CCND2: variants seen among roughly 807,000 people sequenced by gnomAD.
CCND2 encodes the protein cyclin D2.
In CCND2, 6 loss-of-function variants were observed where a neutral mutation model predicts 30.2. That is an observed-to-expected ratio of 0.20 (90% confidence interval 0.11 to 0.39). The LOEUF (loss-of-function observed/expected upper bound fraction) is 0.39. Among genes scored for constraint, CCND2 ranks in the 10% least tolerant of loss-of-function variants. The probability of loss-of-function intolerance (pLI) is 1.00; values close to 1 mark genes in which losing one functional copy is unlikely to be tolerated. For synonymous variants in CCND2, 150 were observed against 153.1 expected, an observed-to-expected ratio of 0.98 and a Z score of 0.15; for missense variants, 235 against 373.4, an observed-to-expected ratio of 0.63 and a Z score of 3.06.
intron 2 of CCND2, among the ~76,000 whole-genome samples, chr12:4,277,164 T>G (rs548506259): frequency 1.3e-5 from 2 of 152,156 alleles, no homozygotes; most frequent in African/African-American, 4.8e-5. Context: ...TTGCCGAGAA[T>G]GTGGAGAGGG....
Position 4,301,632 on chromosome 12 carries a change from G to A in CCND2, c.*1623G>A, listed in dbSNP as rs546669155. ...GTTTCATAGTATGAGGGTTGAAGACGGAAAACAATCTAAGGGTCTCTCATT... is the reference window on the plus strand; with the variant it reads ...GTTTCATAGTATGAGGGTTGAAGACAGAAAACAATCTAAGGGTCTCTCATT... On this transcript the variant is annotated 3_prime_UTR_variant, in exon 5 of 5. Transcript: ENST00000261254. The A allele has an allele frequency of 2.6e-5, 6 of 231,036 alleles. No homozygotes were observed. Among genetic ancestry groups the A allele is most frequent in the African/African-American group, 6.7e-5 (3 of 45,042 alleles). The allele number at this position is 231,036 out of a possible 1,614,324, so 14.3% of individuals were successfully genotyped here.
chr12:4,279,557 G>A (rs1863919785), intron 3 of CCND2, among the ~76,000 whole-genome samples: 1 of 152,178 alleles, frequency 6.6e-6, no homozygotes, highest in Admixed American at 6.5e-5. Context: ...GAGGTGTTTT[G>A]ATTTTGGCCG....
Position 4,300,927 on chromosome 12 carries a change from G to T in CCND2, c.*918G>T. ...AAAAACTAATTTTTGGTGCTGATTG[G>T]CATGTCTGGTTCACAGTTTAGCATT... On this transcript the variant is annotated 3_prime_UTR_variant, in exon 5 of 5. Transcript: ENST00000261254. The T allele has an allele frequency of 4.3e-6, 1 of 233,684 alleles. No individual in the cohort carries two copies. 14.5% of individuals were successfully genotyped at this position (233,684 alleles called of 1,614,324 possible).
At chr12:4,296,823 AC>A (rs1174375037) in intron 4 of CCND2, among the ~76,000 whole-genome samples, 3 of 152,230 alleles carry the variant, frequency 2.0e-5, no homozygotes. Context: ...AAGAAAAAAA[AC>A]AAAACAAAAA....
Position 4,303,327 on chromosome 12 carries a change from CCT to C in CCND2, c.*3322_*3323del, listed in dbSNP as rs1232616954. ...CACAAGAAGGAATCCTGGATTTTGC[CCT>C]CTCCTTAGCTCTTAGTCTCTTTGGT... On this transcript the variant is annotated 3_prime_UTR_variant, in exon 5 of 5. Transcript: ENST00000261254. The surrounding 1 kb of genome is among the most constrained non-coding windows in gnomAD (Gnocchi z 4.6). 1.3e-5 allele frequency: 3 copies of C among 233,198 alleles called. No individual in the cohort carries two copies. Among genetic ancestry groups the C allele is most frequent in the Non-Finnish European group, 2.5e-5 (3 of 118,120 alleles). 14.4% of individuals were successfully genotyped at this position (233,198 alleles called of 1,614,324 possible). A position where few individuals can be genotyped will look rare whatever the true frequency, so the allele number is the denominator to read the frequency against.
rs933004882 is a variant in CCND2, at chr12:4,299,315, G to A, written c.721-545G>A. On this transcript the variant is annotated intron_variant, in intron 4 of 4. Coordinates refer to ENST00000261254, the MANE Select transcript of CCND2 (RefSeq NM_001759.4). The surrounding 1 kb of genome is among the most constrained non-coding windows in gnomAD (Gnocchi z 5.2). ...GTGGAGGTTGCAGTGAGCCGAGATT[G>A]TGCCAGTGCACTCCAGCCTGGGGGA... 6.6e-6 allele frequency among the ~76,000 whole-genome samples: 1 copy of A among 152,180 alleles called. No homozygotes were observed. Among genetic ancestry groups the A allele is most frequent in the Non-Finnish European group, 1.5e-5 (1 of 68,026 alleles).
chr12:4,302,229 C>G lies in CCND2; in HGVS notation c.*2220C>G. 1 of 233,002 alleles carries G rather than the reference C, an allele frequency of 4.3e-6. No individual in the cohort carries two copies. Among genetic ancestry groups the G allele is most frequent in the Non-Finnish European group, 8.5e-6 (1 of 117,712 alleles). 14.4% of individuals were successfully genotyped at this position (233,002 alleles called of 1,614,324 possible). ...CCCAGTTAGACCCTGGTATCCTCAT[C>G]ATGATGGAAAAAATACATTGAACCA... On this transcript the variant is annotated 3_prime_UTR_variant, in exon 5 of 5. Coordinates refer to ENST00000261254, the MANE Select transcript of CCND2 (RefSeq NM_001759.4).
rs1170537449 is a variant in CCND2, at chr12:4,301,495, T to G, written c.*1486T>G. 7 of 230,032 alleles carry G rather than the reference T, an allele frequency of 3.0e-5. No homozygotes were observed. The highest frequency in any genetic ancestry group is 6.0e-5 in the Non-Finnish European group (7 of 116,552). 14.2% of individuals were successfully genotyped at this position (230,032 alleles called of 1,614,324 possible). Reference sequence around the variant, plus strand: ...AACTTTTTTTTTTTTTTTTGCACAATTGTAATTGACAGGTAATGAAGCTAT... The same window carrying G: ...AACTTTTTTTTTTTTTTTTGCACAAGTGTAATTGACAGGTAATGAAGCTAT... On this transcript the variant is annotated 3_prime_UTR_variant, in exon 5 of 5. Coordinates refer to ENST00000261254, the MANE Select transcript of CCND2 (RefSeq NM_001759.4).
At chr12:4,279,394 CT>C (rs79476081) in intron 3 of CCND2, among the ~76,000 whole-genome samples, 13,608 of 140,174 alleles carry the variant, frequency 0.097, 827 homozygotes, top group East Asian at 0.4. Flanking sequence ...CAAAGAAATT[CT>C]TTTTTTTTTT....
rs1239660615 is a variant in CCND2, at chr12:4,303,217, C to T, written c.*3208C>T. The T allele has an allele frequency of 4.3e-6, 1 of 233,230 alleles. No homozygotes were observed. Among genetic ancestry groups the T allele is most frequent in the Non-Finnish European group, 8.5e-6 (1 of 118,136 alleles). The allele number at this position is 233,230 out of a possible 1,614,324, so 14.4% of individuals were successfully genotyped here. On this transcript the variant is annotated 3_prime_UTR_variant, in exon 5 of 5. Transcript: ENST00000261254. The surrounding 1 kb of genome is among the most constrained non-coding windows in gnomAD (Gnocchi z 4.6). ...CCTTCTAGCTTTTCTCTTTCCCATCCTTGGGGCCTTGTGTGATGATGGGTG... is the reference window on the plus strand; with the variant it reads ...CCTTCTAGCTTTTCTCTTTCCCATCTTTGGGGCCTTGTGTGATGATGGGTG...
chr12:4,283,239 G>C (rs1863975114), intron 3 of CCND2, among the ~76,000 whole-genome samples: 1 of 152,204 alleles, frequency 6.6e-6, no homozygotes, highest in African/African-American at 2.4e-5. Context: ...ACCCCCAGAG[G>C]CTCCCAGGGC....
intron 1 of CCND2, 89 bp from the exon 2 acceptor site, chr12:4,275,916 G>T (rs372495036): frequency 2.1e-5 from 17 of 794,008 alleles, no homozygotes; most frequent in South Asian, 1.2e-4. Context: ...TTTTTGTTTC[G>T]ATAGATTACG....
In CCND2 at chr12:4,293,661, A is replaced by G. The variant is rs1864129148; in HGVS notation, c.720+4671A>G. Reference sequence around the variant, plus strand: ...CGGTCCTGGTTATCAATGAGCTATTAAAAAGCAGGGAGGTGGAGGCGCCGT... The same window carrying G: ...CGGTCCTGGTTATCAATGAGCTATTGAAAAGCAGGGAGGTGGAGGCGCCGT... On this transcript the variant is annotated intron_variant, in intron 4 of 4. Transcript: ENST00000261254. This position sits in a 1 kb window ranked among gnomAD's most constrained non-coding sequence, Gnocchi z 4.9. Among the ~76,000 whole-genome samples the G allele has an allele frequency of 6.6e-6, 1 of 152,186 alleles. No individual in the cohort carries two copies. Among genetic ancestry groups the G allele is most frequent in the Admixed American group, 6.5e-5 (1 of 15,290 alleles).
At position 4,299,226 on chromosome 12, in the gene CCND2, G is replaced by A. The variant is rs1277371358; in HGVS notation, c.721-634G>A. Reference sequence around the variant, plus strand: ...AATACAAAAATTAGCCAGGCGCGGTGGCGGGTGCCTGTAGTCCCAGCTACT... The same window carrying A: ...AATACAAAAATTAGCCAGGCGCGGTAGCGGGTGCCTGTAGTCCCAGCTACT... On this transcript the variant is annotated intron_variant, in intron 4 of 4. Coordinates refer to ENST00000261254, the MANE Select transcript of CCND2 (RefSeq NM_001759.4). This position sits in a 1 kb window ranked among gnomAD's most constrained non-coding sequence, Gnocchi z 5.2. Among the ~76,000 whole-genome samples the A allele has an allele frequency of 6.6e-6, 1 of 152,192 alleles. No homozygotes were observed. Among genetic ancestry groups the A allele is most frequent in the Non-Finnish European group, 1.5e-5 (1 of 68,028 alleles).
intron 3 of CCND2, 105 bp from the exon 4 acceptor site, chr12:4,288,737 C>CGCAGCA (rs1864057069): frequency 8.9e-7 from 1 of 1,117,746 alleles, no homozygotes; most frequent in Non-Finnish European, 1.3e-6. Context: ...GGGTCACTCG[C>CGCAGCA]GCCGCTGACC....
chr12:4,274,710 G>T lies in CCND2; in HGVS notation c.195+475G>T, dbSNP rs912942441. ...GACTCCGCGCTGGCACTTCACCGGG[G>T]AGGTGGAGGGAGGAGGGAGAAGGAG... On this transcript the variant is annotated intron_variant, in intron 1 of 4. Coordinates refer to ENST00000261254, the MANE Select transcript of CCND2 (RefSeq NM_001759.4). The surrounding 1 kb of genome is among the most constrained non-coding windows in gnomAD (Gnocchi z 7.7). 1.3e-5 allele frequency among the ~76,000 whole-genome samples: 2 copies of T among 152,230 alleles called. No homozygotes were observed. The highest frequency in any genetic ancestry group is 2.4e-5 in the African/African-American group (1 of 41,456).
In CCND2 at chr12:4,300,772, G is replaced by A. The variant is rs1007822384; in HGVS notation, c.*763G>A. 2 of 233,626 alleles carry A rather than the reference G, an allele frequency of 8.6e-6. No homozygotes were observed. The highest frequency in any genetic ancestry group is 2.2e-5 in the African/African-American group (1 of 45,348). The allele number at this position is 233,626 out of a possible 1,614,324, so 14.5% of individuals were successfully genotyped here. A position where few individuals can be genotyped will look rare whatever the true frequency, so the allele number is the denominator to read the frequency against. ...CCATATTGCTATCTAATGGGGAAATGTAGCTATGGGCCATAACCAAAACTC... is the reference window on the plus strand; with the variant it reads ...CCATATTGCTATCTAATGGGGAAATATAGCTATGGGCCATAACCAAAACTC... On this transcript the variant is annotated 3_prime_UTR_variant, in exon 5 of 5. Transcript: ENST00000261254.
intron 4 of CCND2, among the ~76,000 whole-genome samples, chr12:4,296,878 C>T (rs1041664172): frequency 3.3e-5 from 5 of 152,270 alleles, no homozygotes; most frequent in South Asian, 4.1e-4. Context: ...TTAGGTCCAA[C>T]GTTTCACTCA....
At chr12:4,286,070 C>T (rs780216310) in intron 3 of CCND2, among the ~76,000 whole-genome samples, 14 of 152,162 alleles carry the variant, frequency 9.2e-5, no homozygotes, top group Non-Finnish European at 1.9e-4. Flanking sequence ...AACTCTTGAC[C>T]TAAGCCATGT....
Sources: gnomAD v4.1 joint callset for allele counts (sites outside exome capture counted in the v4.1 genomes callset) on GRCh38, gnomAD v4.1.1 for gene constraint, Gnocchi (gnomAD v3.1) non-coding constraint, MANE v1.5 for transcripts, NCBI Gene and HGNC (gene_info 2026-07-23, HGNC 2026-07-21) for gene names.